OTULIN: variants seen among roughly 807,000 people sequenced by gnomAD.
OTULIN encodes OTU deubiquitinase with linear linkage specificity, also known as ubiquitin thioesterase otulin.
OTULIN carries 15 observed loss-of-function variants against 39.6 expected under a neutral mutation model. That is an observed-to-expected ratio of 0.38 (90% CI 0.25 to 0.58). The LOEUF (loss-of-function observed/expected upper bound fraction) is 0.58. OTULIN is among the 20% of genes least tolerant of loss of function. The probability of loss-of-function intolerance (pLI) is 0.66; values close to 1 mark genes in which losing one functional copy is unlikely to be tolerated. For missense variants in OTULIN, 319 were observed against 445.9 expected (o/e 0.72, Z 2.56); for synonymous variants, 156 against 170.3 (o/e 0.92, Z 0.65).
chr5:14,707,484 A>G, the OTULIN span: 1 of 152,178 alleles, frequency 6.6e-6, no homozygotes, highest in African/African-American at 2.4e-5. Context: ...ATAAATTTTG[A>G]GAGTTACGAT....
chr5:14,713,036 G>T, the OTULIN span: 1 of 1,488,682 alleles, frequency 6.7e-7, no homozygotes, highest in Non-Finnish European at 9.2e-7. The surrounding 1 kb of genome is among the most constrained non-coding windows in gnomAD (Gnocchi z 4.4). Context: ...AACCGTCGAT[G>T]CCAAAACCCA....
At chr5:14,714,040 C>T in the OTULIN span, among the ~76,000 whole-genome samples, 1 of 152,274 alleles carries the variant, frequency 6.6e-6, no homozygotes, top group Non-Finnish European at 1.5e-5. Context: ...AAGTGGCACT[C>T]TAGTGTGATG....
intron 4 of OTULIN, among the ~76,000 whole-genome samples, chr5:14,686,728 C>T (rs1337193510): frequency 3.9e-5 from 6 of 152,134 alleles, no homozygotes; most frequent in Non-Finnish European, 7.4e-5. Flanking sequence ...GTCTTACTTC[C>T]CATGCTGTCA....
At chr5:14,713,315 A>G in the OTULIN span, among the ~76,000 whole-genome samples, 2 of 152,168 alleles carry the variant, frequency 1.3e-5, no homozygotes, top group Non-Finnish European at 2.9e-5. This position sits in a 1 kb window ranked among gnomAD's most constrained non-coding sequence, Gnocchi z 4.4. Flanking sequence ...ATGCCCTGAC[A>G]GGAGCTCAGT....
At chr5:14,700,450 G>A (rs140214085), downstream of OTULIN, among the ~76,000 whole-genome samples, 463 of 152,272 alleles carry the variant, frequency 3.0e-3, 3 homozygotes, top group African/African-American at 0.011. Context: ...ATTCACCAAA[G>A]AGTGCCAGCC....
chr5:14,684,991 T>A (rs1276850140), intron 4 of OTULIN, among the ~76,000 whole-genome samples: 1 of 152,188 alleles, frequency 6.6e-6, no homozygotes, highest in Non-Finnish European at 1.5e-5. Flanking sequence ...GATCCCAGTC[T>A]CCGTGTTTGG....
chr5:14,701,945 G>C (rs1736803920), downstream of OTULIN, among the ~76,000 whole-genome samples: 1 of 152,188 alleles, frequency 6.6e-6, no homozygotes, highest in African/African-American at 2.4e-5. Context: ...ATGGGTGTGT[G>C]GGTTGTGTGA....
At chr5:14,713,601 C>G in the OTULIN span, 1 of 1,614,232 alleles carries the variant, frequency 6.2e-7, no homozygotes, top group Non-Finnish European at 8.5e-7. The surrounding 1 kb of genome is among the most constrained non-coding windows in gnomAD (Gnocchi z 4.4). Flanking sequence ...CAGCACAGAG[C>G]TGGGGGCAAG....
At chr5:14,704,957 C>T in the OTULIN span, 1 of 152,178 alleles carries the variant, frequency 6.6e-6, no homozygotes, top group Admixed American at 6.5e-5. Flanking sequence ...ACATAAAGAG[C>T]ACTTCCTTAA....
downstream of OTULIN, among the ~76,000 whole-genome samples, chr5:14,700,666 CCAGCCCTCCCCTCTG>C (rs1238852740): frequency 4.0e-5 from 6 of 151,444 alleles, no homozygotes; most frequent in Admixed American, 2.6e-4. Flanking sequence ...CCTACCCTCC[CCAGCCCTCCCCTCTG>C]CAGCCCTCCC....
Position 14,690,003 on chromosome 5 carries a change from A to G in OTULIN, c.595-36A>G. ...GTACTATACCAGGGATTTTTAGAAC[A>G]AAAATTCTAATTATTACATAACTTT... On this transcript the variant is annotated intron_variant, in intron 5 of 6. Transcript: ENST00000284274. This position sits in a 1 kb window ranked among gnomAD's most constrained non-coding sequence, Gnocchi z 4.5. 1 of 1,588,462 alleles carries G rather than the reference A, an allele frequency of 6.3e-7. No individual in the cohort carries two copies. The highest frequency in any genetic ancestry group is 8.6e-7 in the Non-Finnish European group (1 of 1,168,440).
At chr5:14,708,445 A>T in the OTULIN span, 10 of 152,214 alleles carry the variant, frequency 6.6e-5, no homozygotes, top group African/African-American at 2.4e-4. Context: ...CCCTACAATG[A>T]AAAATAAATG....
the OTULIN span, chr5:14,706,589 G>A: frequency 6.6e-6 from 1 of 152,138 alleles, no homozygotes; most frequent in African/African-American, 2.4e-5. Context: ...TGGAGTTTGG[G>A]TTATTTTGAT....
At chr5:14,713,447 G>T in the OTULIN span, 7 of 1,511,012 alleles carry the variant, frequency 4.6e-6, no homozygotes, top group African/African-American at 5.5e-5. This position sits in a 1 kb window ranked among gnomAD's most constrained non-coding sequence, Gnocchi z 4.4. Flanking sequence ...TTCTAGACGT[G>T]CCTGGGGATT....
rs143812069 is a variant in OTULIN, at chr5:14,693,865, G to A, written c.*817G>A. 5 of 152,366 alleles carry A rather than the reference G, an allele frequency of 3.3e-5. No individual in the cohort carries two copies. The East Asian group carries it at 9.6e-4, about 29-fold the overall frequency. 9.4% of individuals were successfully genotyped at this position (152,366 alleles called of 1,614,324 possible). A position where few individuals can be genotyped will look rare whatever the true frequency, so the allele number is the denominator to read the frequency against. ...CACTGGAGTCTGGGGCTTGGTGCAG[G>A]TGGTGCCCCATCAGTGTGGACAGAC... On this transcript the variant is annotated 3_prime_UTR_variant, in exon 7 of 7. Coordinates refer to ENST00000284274, the MANE Select transcript of OTULIN (RefSeq NM_138348.6).
chr5:14,709,982 A>G, the OTULIN span: 2 of 152,230 alleles, frequency 1.3e-5, no homozygotes, highest in African/African-American at 2.4e-5. Flanking sequence ...AACCGTGTCT[A>G]TAATTTTTTT....
intron 1 of OTULIN, among the ~76,000 whole-genome samples, chr5:14,666,550 A>G (rs1735849829): frequency 1.3e-5 from 2 of 152,200 alleles, no homozygotes; most frequent in South Asian, 2.1e-4. Flanking sequence ...GCAGAGAGAC[A>G]TGATTTATAG....
chr5:14,711,713 A>G, the OTULIN span, among the ~76,000 whole-genome samples: 2 of 152,200 alleles, frequency 1.3e-5, no homozygotes, highest in South Asian at 2.1e-4. Flanking sequence ...CACCTTGTAC[A>G]GCATCCGTCA....
chr5:14,712,976 G>A, the OTULIN span: 1 of 1,611,710 alleles, frequency 6.2e-7, no homozygotes, highest in Admixed American at 1.7e-5. Flanking sequence ...CGTGCACCCT[G>A]CAGATGAGAA....
Sources: gnomAD v4.1 joint callset for allele counts (sites outside exome capture counted in the v4.1 genomes callset) on GRCh38, gnomAD v4.1.1 for gene constraint, Gnocchi (gnomAD v3.1) non-coding constraint, MANE v1.5 for transcripts, NCBI Gene and HGNC (gene_info 2026-07-23, HGNC 2026-07-21) for gene names.